SCYL2: variants seen among roughly 807,000 people sequenced by gnomAD.
The protein encoded by SCYL2 is SCY1-like protein 2.
In SCYL2, 36 loss-of-function variants were observed where a neutral mutation model predicts 100.4. The observed-to-expected ratio is 0.36, with a 90% CI of 0.27 to 0.47. The LOEUF is 0.47. SCYL2 is among the 20% of genes least tolerant of loss of function. The pLI, the probability that SCYL2 is intolerant of heterozygous loss-of-function variation, is 1.00. For synonymous variants in SCYL2, 330 were observed against 359.2 expected (o/e 0.92, Z 0.92); for missense variants, 902 against 1,083.9 (o/e 0.83, Z 2.36).
At chr12:100,293,659 G>A (rs960070344) in intron 3 of SCYL2, among the ~76,000 whole-genome samples, 1 of 151,946 alleles carries the variant, frequency 6.6e-6, no homozygotes, top group African/African-American at 2.4e-5. Context: ...GGTTTTCCTA[G>A]GCAGAGGACC....
chr12:100,273,068 C>T (rs1319936557), intron 1 of SCYL2, among the ~76,000 whole-genome samples: 5 of 152,058 alleles, frequency 3.3e-5, no homozygotes, highest in Non-Finnish European at 7.4e-5. Context: ...TCAGCCTCCA[C>T]CTTTAGTATA....
In SCYL2 at chr12:100,313,470, C is replaced by T. The variant is rs750714487; in HGVS notation, c.901C>T (p.Arg301Cys). ...SSLTNIPEEV[R>C]EHVKLLLNVT... ...ACTTACAAATATACCTGAGGAAGTT[C>T]GTGAACATGTAAAGCTACTGTTAAA... is the stretch of plus-strand genomic sequence containing the variant. The change falls in exon 7 of 18, where the codon CGT becomes TGT. Residue 301 changes from arginine to cysteine, a missense_variant. Physicochemically the swap from Arg to Cys is radical, Grantham distance 180. Coordinates refer to ENST00000360820, the MANE Select transcript of SCYL2 (RefSeq NM_017988.6). 83 of 1,600,748 alleles carry T rather than the reference C, an allele frequency of 5.2e-5. No individual in the cohort carries two copies. The highest frequency in any genetic ancestry group is 1.7e-4 in the Middle Eastern group (1 of 5,926).
chr12:100,340,655 A>G lies in SCYL2; in HGVS notation c.*1483A>G, dbSNP rs533425433. 3 of 152,184 alleles carry G rather than the reference A, an allele frequency of 2.0e-5. No individual in the cohort carries two copies. The South Asian group carries it at 6.2e-4, about 32-fold the overall frequency. The allele number at this position is 152,184 out of a possible 1,614,324, so 9.4% of individuals were successfully genotyped here. On this transcript the variant is annotated 3_prime_UTR_variant, in exon 18 of 18. Transcript: ENST00000360820. ...CTTGATTACAAAATGTAATTTAATT[A>G]TATTATTGCTGGCAGCATTCAGTTA...
rs1566367777 is a variant in SCYL2, at chr12:100,323,638, GGTAA to G, written c.1509+5_1509+8del. On this transcript the variant is annotated splice_donor_variant and splice_donor_region_variant and intron_variant, in intron 11 of 17. Coordinates refer to ENST00000360820, the MANE Select transcript of SCYL2 (RefSeq NM_017988.6). LOFTEE classifies it high-confidence loss of function. ...CTTGTCTACAAACATCTTCCCTTGC[GGTAA>G]GTAATTGCATATTAATTTTTGTTTT... is the stretch of plus-strand genomic sequence containing the variant. The G allele has an allele frequency of 6.6e-7, 1 of 1,520,314 alleles. No individual in the cohort carries two copies. Among genetic ancestry groups the G allele is most frequent in the African/African-American group, 1.4e-5 (1 of 71,728 alleles). 94.2% of individuals were successfully genotyped at this position (1,520,314 alleles called of 1,614,324 possible).
chr12:100,316,147 T>C (rs2096348413), intron 9 of SCYL2, among the ~76,000 whole-genome samples: 1 of 152,276 alleles, frequency 6.6e-6, no homozygotes, highest in South Asian at 2.1e-4. Flanking sequence ...TTTGTGCCAG[T>C]TGTTTCTCTC....
intron 9 of SCYL2, among the ~76,000 whole-genome samples, chr12:100,316,815 T>G (rs778321338): frequency 8.5e-5 from 13 of 152,212 alleles, no homozygotes; most frequent in Non-Finnish European, 1.6e-4. Context: ...TAAAAATACC[T>G]TTTGGGCCAG....
At chr12:100,309,184 G>T (rs1249039753) in intron 4 of SCYL2, among the ~76,000 whole-genome samples, 1 of 151,920 alleles carries the variant, frequency 6.6e-6, no homozygotes, top group Non-Finnish European at 1.5e-5. Flanking sequence ...CCTGCGCAGG[G>T]AGGATATACA....
intron 17 of SCYL2, among the ~76,000 whole-genome samples, chr12:100,337,734 A>G (rs1348262867): frequency 6.6e-6 from 1 of 152,200 alleles, no homozygotes; most frequent in African/African-American, 2.4e-5. Flanking sequence ...AGCTAGAAGA[A>G]TAGGAAGGGT....
At chr12:100,270,478 T>C (rs749903627) in intron 1 of SCYL2, among the ~76,000 whole-genome samples, 33 of 152,180 alleles carry the variant, frequency 2.2e-4, no homozygotes, top group Non-Finnish European at 4.1e-4. Flanking sequence ...ATTAACTTCT[T>C]GTTGTAAAAA....
intron 3 of SCYL2, among the ~76,000 whole-genome samples, chr12:100,296,077 T>C (rs1592942352): frequency 2.6e-5 from 4 of 152,232 alleles, no homozygotes; most frequent in Admixed American, 2.6e-4. Flanking sequence ...TCAGTTATAC[T>C]TTTCTGTGTC....
intron 13 of SCYL2, 123 bp downstream of exon 13, chr12:100,329,442 C>T (rs1400509538): frequency 1.9e-6 from 1 of 523,194 alleles, no homozygotes; most frequent in Non-Finnish European, 3.5e-6. Flanking sequence ...TGCCACAGAA[C>T]TAAATGAAGA....
In SCYL2 at chr12:100,314,612, A is replaced by G. The variant is rs1009420469; in HGVS notation, c.1093A>G (p.Lys365Glu). 1.1e-5 allele frequency: 18 copies of G among 1,590,988 alleles called. No homozygotes were observed. The highest frequency in any genetic ancestry group is 1.4e-5 in the Non-Finnish European group (17 of 1,173,508). ...GLPKVLPKLP[K>E]RVIVQRILPC... ...GCCAAAGGTTCTACCAAAACTGCCC[A>G]AGGTTTGTTATTGTTAGTTTCTTAT... The change falls in exon 8 of 18, where the codon AAG (lysine) becomes GAG (glutamate). Residue 365 changes from lysine (K) to glutamate (E), a missense_variant and splice_region_variant. Lys to Glu is a moderately conservative substitution (Grantham distance 56). Coordinates refer to ENST00000360820, the MANE Select transcript of SCYL2 (RefSeq NM_017988.6).
At position 100,340,686 on chromosome 12, in the gene SCYL2, G is replaced by GATTC. The variant is rs1952342297; in HGVS notation, c.*1514_*1515insATTC. 2.0e-5 allele frequency: 3 copies of GATTC among 152,004 alleles called. No homozygotes were observed. The allele number at this position is 152,004 out of a possible 1,614,324, so 9.4% of individuals were successfully genotyped here. ...TTGCTGGCAGCATTCAGTTAAGAGG[G>GATTC]TACTTTAAAAAATAGAAGTCAGCTT... On this transcript the variant is annotated 3_prime_UTR_variant, in exon 18 of 18. Coordinates refer to ENST00000360820, the MANE Select transcript of SCYL2 (RefSeq NM_017988.6).
chr12:100,334,244 C>T lies in SCYL2; in HGVS notation c.1840C>T (p.His614Tyr). The T allele has an allele frequency of 6.3e-7, 1 of 1,592,744 alleles. No individual in the cohort carries two copies. Among genetic ancestry groups the T allele is most frequent in the African/African-American group, 1.3e-5 (1 of 74,614 alleles). ...SEHKTKLEQL[H>Y]IMQEQQKSLD... ...ACATAAGACTAAACTGGAGCAACTTCATATAATGCAAGAACAGCAGAAGTA... is the reference window on the plus strand; with the variant it reads ...ACATAAGACTAAACTGGAGCAACTTTATATAATGCAAGAACAGCAGAAGTA... Residue 614 changes from histidine to tyrosine, a missense_variant, in exon 14 of 18, where the codon CAT becomes TAT. His to Tyr is a moderately conservative substitution (Grantham distance 83). Transcript: ENST00000360820.
chr12:100,298,399 G>T (rs190504900), intron 4 of SCYL2, among the ~76,000 whole-genome samples: 2 of 152,232 alleles, frequency 1.3e-5, no homozygotes, highest in Admixed American at 6.5e-5. Context: ...CCTTTGGGGG[G>T]TCACTTATTG....
intron 10 of SCYL2, among the ~76,000 whole-genome samples, chr12:100,322,245 C>T (rs1303673972): frequency 6.7e-6 from 1 of 148,678 alleles, no homozygotes; most frequent in South Asian, 2.1e-4. Flanking sequence ...TGGTGGCGGG[C>T]GCCTGTAGTC....
chr12:100,289,091 T>G (rs554261202), intron 2 of SCYL2, among the ~76,000 whole-genome samples: 1 of 152,286 alleles, frequency 6.6e-6, no homozygotes, highest in African/African-American at 2.4e-5. Context: ...AATGGCAAGA[T>G]GAGAACTTGA....
chr12:100,318,077 C>T, intron 10 of SCYL2, 152 bp downstream of exon 10: 1 of 676,374 alleles, frequency 1.5e-6, no homozygotes, highest in South Asian at 3.5e-5. Flanking sequence ...TATACTGTAA[C>T]TAAAATATAT....
At chr12:100,327,862 C>G (rs1163981394) in intron 12 of SCYL2, among the ~76,000 whole-genome samples, 1 of 152,142 alleles carries the variant, frequency 6.6e-6, no homozygotes, top group East Asian at 1.9e-4. Context: ...TAATGTAGTG[C>G]TTGGCCTGCA....
Sources: gnomAD v4.1 joint callset for allele counts (sites outside exome capture counted in the v4.1 genomes callset) on GRCh38, gnomAD v4.1.1 for gene constraint, MANE v1.5 for transcripts, NCBI Gene and HGNC (gene_info 2026-07-23, HGNC 2026-07-21) for gene names.